MTREX: variants seen among roughly 807,000 people sequenced by gnomAD.
MTREX encodes Mtr4 exosome RNA helicase, also known as exosome RNA helicase MTR4.
Under a neutral mutation model 135.4 loss-of-function variants are expected in MTREX, and 76 were observed. The observed-to-expected ratio is 0.56, with a 90% CI of 0.47 to 0.68. MTREX has a LOEUF of 0.68. Among genes scored for constraint, MTREX ranks in the 30% least tolerant of loss-of-function variants. The pLI, the probability that MTREX is intolerant of heterozygous loss-of-function variation, is 0.00. For missense variants in MTREX, 920 were observed against 1,262.1 expected (o/e 0.73, Z 4.11); for synonymous variants, 404 against 401.6 (o/e 1.01, Z -0.07).
At chr5:55,323,348 A>G (rs1038811843) in intron 2 of MTREX, among the ~76,000 whole-genome samples, 1 of 152,186 alleles carries the variant, frequency 6.6e-6, no homozygotes, top group Non-Finnish European at 1.5e-5. Context: ...ATTTTTCTTC[A>G]GTTTATCCAG....
In MTREX at chr5:55,347,017, A is replaced by G; in HGVS notation, c.1113A>G (p.Pro371=). 1 of 1,607,090 alleles carries G rather than the reference A, an allele frequency of 6.2e-7. No individual in the cohort carries two copies. Residue 371 remains proline, a synonymous_variant, in exon 11 of 27, where the codon CCA becomes CCG. Transcript: ENST00000230640. The part of the protein sequence containing the change: ...QKGRKGGTKG[P]SNVFKIVKMI... Reference sequence around the variant, plus strand: ...TGTTGTTTACTGTTTTTGCAGGACCATCAAATGTTTTCAAAATTGTGAAGA... The same window carrying G: ...TGTTGTTTACTGTTTTTGCAGGACCGTCAAATGTTTTCAAAATTGTGAAGA...
At chr5:55,372,624 TA>T (rs907866796) in intron 16 of MTREX, among the ~76,000 whole-genome samples, 1 of 152,110 alleles carries the variant, frequency 6.6e-6, no homozygotes, top group Non-Finnish European at 1.5e-5. Context: ...AGTCCAGAAG[TA>T]AACCTGTACA....
intron 11 of MTREX, among the ~76,000 whole-genome samples, chr5:55,348,197 C>T (rs1749770197): frequency 6.6e-6 from 1 of 152,064 alleles, no homozygotes; most frequent in Non-Finnish European, 1.5e-5. Flanking sequence ...CGTGGAATCC[C>T]ACGGCTGAAG....
At chr5:55,354,965 A>T (rs1052940554) in intron 14 of MTREX, among the ~76,000 whole-genome samples, 1 of 152,204 alleles carries the variant, frequency 6.6e-6, no homozygotes, top group African/African-American at 2.4e-5. Flanking sequence ...GGCTAATGCC[A>T]TGAGAGGAAG....
At chr5:55,348,602 A>G (rs562571435) in intron 11 of MTREX, among the ~76,000 whole-genome samples, 2 of 152,290 alleles carry the variant, frequency 1.3e-5, no homozygotes, top group African/African-American at 2.4e-5. Flanking sequence ...TTATCTGTGC[A>G]TTTTAAAGCT....
At chr5:55,400,119 T>C in intron 20 of MTREX, 114 bp from the exon 21 acceptor site, 1 of 670,362 alleles carries the variant, frequency 1.5e-6, no homozygotes. Context: ...CAAAATTATA[T>C]ATGTAGTATA....
At position 55,425,233 on chromosome 5, in the gene MTREX, A is replaced by C. The variant is rs543936239; in HGVS notation, c.*461A>C. 1.9e-6 allele frequency: 3 copies of C among 1,613,944 alleles called. No homozygotes were observed. The highest frequency in any genetic ancestry group is 3.3e-5 in the Admixed American group (2 of 59,926). ...AAGGCTGGTGATTGCTCGGATAGTG[A>C]TTCCCAGTTGTTGGTGTTTCATGCA... On this transcript the variant is annotated 3_prime_UTR_variant, in exon 27 of 27. Transcript: ENST00000230640.
At position 55,322,348 on chromosome 5, in the gene MTREX, A is replaced by G. The variant is rs760294554; in HGVS notation, c.156A>G (p.Leu52=). ...TCAGGAAACGTTTTGATGGTAAATT[A>G]CAATCAGAATCAACTAATAATGGAA... The part of the protein sequence containing the change: ...DKAGKRFDGK[L]QSESTNNGKN... Residue 52 remains leucine, a synonymous_variant, in exon 2 of 27, where the codon TTA becomes TTG. Transcript: ENST00000230640. 2 of 1,603,484 alleles carry G rather than the reference A, an allele frequency of 1.2e-6. No individual in the cohort carries two copies. Among genetic ancestry groups the G allele is most frequent in the Non-Finnish European group, 8.5e-7 (1 of 1,176,502 alleles).
At chr5:55,366,989 C>T (rs150602495) in intron 16 of MTREX, 114 bp downstream of exon 16, 11 of 739,152 alleles carry the variant, frequency 1.5e-5, no homozygotes, top group East Asian at 2.6e-5. Flanking sequence ...TTGGTTCATA[C>T]GTAATGGACT....
intron 5 of MTREX, among the ~76,000 whole-genome samples, chr5:55,336,351 T>G (rs138238740): frequency 3.3e-5 from 5 of 152,332 alleles, no homozygotes; most frequent in African/African-American, 1.2e-4. Context: ...AGCTGTTTTT[T>G]GCTGGTTGCT....
At position 55,424,807 on chromosome 5, in the gene MTREX, GAC is replaced by G; in HGVS notation, c.*36_*37del. 6.6e-7 allele frequency: 1 copy of G among 1,509,634 alleles called. No individual in the cohort carries two copies. The highest frequency in any genetic ancestry group is 9.2e-7 in the Non-Finnish European group (1 of 1,085,696). 93.5% of individuals were successfully genotyped at this position (1,509,634 alleles called of 1,614,324 possible). A position where few individuals can be genotyped will look rare whatever the true frequency, so the allele number is the denominator to read the frequency against. On this transcript the variant is annotated 3_prime_UTR_variant, in exon 27 of 27. Transcript: ENST00000230640. Reference sequence around the variant, plus strand: ...AAGGAATGTGAGATTTTAAATTATTGACCACCTGTTTGATTACAGTTGACTAC... The same window carrying G: ...AAGGAATGTGAGATTTTAAATTATTGCACCTGTTTGATTACAGTTGACTAC...
intron 18 of MTREX, among the ~76,000 whole-genome samples, chr5:55,383,757 C>T (rs1311924565): frequency 6.6e-6 from 1 of 151,942 alleles, no homozygotes; most frequent in Non-Finnish European, 1.5e-5. Context: ...AGTTTTCAGC[C>T]ACTATTTCTG....
intron 1 of MTREX, among the ~76,000 whole-genome samples, chr5:55,309,373 C>T (rs1311487205): frequency 6.6e-6 from 1 of 151,786 alleles, no homozygotes; most frequent in Non-Finnish European, 1.5e-5. Context: ...TGGCAGAGTA[C>T]TATAATAGTA....
chr5:55,407,816 C>T (rs1241470709), intron 22 of MTREX, among the ~76,000 whole-genome samples: 1 of 151,876 alleles, frequency 6.6e-6, no homozygotes, highest in Non-Finnish European at 1.5e-5. Flanking sequence ...TGCAGTGGTG[C>T]AATCTCGGCT....
intron 18 of MTREX, among the ~76,000 whole-genome samples, chr5:55,381,000 T>C (rs186558670): frequency 6.6e-6 from 1 of 152,354 alleles, no homozygotes; most frequent in Admixed American, 6.5e-5. Context: ...ACTAAGAGAT[T>C]ACTAAGTCAA....
chr5:55,320,497 A>G (rs1036397995), intron 1 of MTREX, among the ~76,000 whole-genome samples: 1 of 152,178 alleles, frequency 6.6e-6, no homozygotes, highest in Non-Finnish European at 1.5e-5. Context: ...GATTACAGGC[A>G]TGAGTCACCC....
intron 25 of MTREX, among the ~76,000 whole-genome samples, chr5:55,421,824 TTTAA>T (rs1218897198): frequency 6.6e-6 from 1 of 152,204 alleles, no homozygotes; most frequent in African/African-American, 2.4e-5. Context: ...CACTACCTAA[TTTAA>T]TTATCTTTGG....
At chr5:55,318,205 A>G (rs1328695772) in intron 1 of MTREX, among the ~76,000 whole-genome samples, 1 of 152,180 alleles carries the variant, frequency 6.6e-6, no homozygotes, top group African/African-American at 2.4e-5. Context: ...GTGGAAGGCA[A>G]TATGGCAATT....
intron 7 of MTREX, among the ~76,000 whole-genome samples, chr5:55,342,494 A>G (rs1358758759): frequency 6.6e-6 from 1 of 152,240 alleles, no homozygotes; most frequent in African/African-American, 2.4e-5. Flanking sequence ...ATAAAAATGA[A>G]CAAAAAGAAA....
Sources: allele counts gnomAD v4.1 joint callset (sites outside exome capture counted in the v4.1 genomes callset), GRCh38; gene constraint gnomAD v4.1.1; transcripts MANE v1.5; gene names NCBI Gene and HGNC (gene_info 2026-07-23, HGNC 2026-07-21).